Variants in FGF14 observed in about 807,000 individuals in gnomAD.
FGF14 encodes fibroblast growth factor 14, also known as fibroblast growth factor homologous factor 4.
Under a neutral mutation model 25.5 loss-of-function variants are expected in FGF14, and 5 were observed. That is an observed-to-expected ratio of 0.20 (90% CI 0.10 to 0.41). FGF14 has a LOEUF of 0.41. Among genes scored for constraint, FGF14 ranks in the 10% least tolerant of loss-of-function variants. The probability of loss-of-function intolerance (pLI) is 1.00; values close to 1 mark genes in which losing one functional copy is unlikely to be tolerated. For synonymous variants in FGF14, 138 were observed against 118.3 expected (o/e 1.17, Z -1.08); for missense variants, 222 against 320.1 (o/e 0.69, Z 2.34).
intron 1 of FGF14, among the ~76,000 whole-genome samples, chr13:102,330,784 G>A (rs1009148064): frequency 1.3e-5 from 2 of 152,016 alleles, no homozygotes; most frequent in East Asian, 1.9e-4. Context: ...TAAAGCTTCC[G>A]TTACCATGTG....
intron 1 of FGF14, among the ~76,000 whole-genome samples, chr13:102,166,358 A>G (rs747697680): frequency 6.6e-6 from 1 of 152,066 alleles, no homozygotes; most frequent in African/African-American, 2.4e-5. Context: ...AATTTATATT[A>G]TAACCCCAAA....
chr13:102,031,853 A>G (rs1284862138), intron 1 of FGF14, among the ~76,000 whole-genome samples: 1 of 152,096 alleles, frequency 6.6e-6, no homozygotes, highest in Non-Finnish European at 1.5e-5. Flanking sequence ...AACAATTTAT[A>G]AAGAAATGAA....
At chr13:102,313,693 T>C (rs1847445348) in intron 1 of FGF14, among the ~76,000 whole-genome samples, 1 of 152,174 alleles carries the variant, frequency 6.6e-6, no homozygotes, top group South Asian at 2.1e-4. Flanking sequence ...AAAATGTCTA[T>C]TTTCAGCCCC....
chr13:101,951,606 A>T (rs1455358494), intron 1 of FGF14, among the ~76,000 whole-genome samples: 2 of 152,056 alleles, frequency 1.3e-5, no homozygotes, highest in Non-Finnish European at 2.9e-5. Flanking sequence ...TTTCAACATT[A>T]TTTGTCTTGT....
At chr13:101,899,980 T>A (rs1450517044) in intron 1 of FGF14, among the ~76,000 whole-genome samples, 1 of 152,200 alleles carries the variant, frequency 6.6e-6, no homozygotes, top group Non-Finnish European at 1.5e-5. Flanking sequence ...CAATTTGCTA[T>A]TTTATTTGTT....
At chr13:102,016,476 C>T (rs1037247627) in intron 1 of FGF14, among the ~76,000 whole-genome samples, 22 of 152,008 alleles carry the variant, frequency 1.4e-4, no homozygotes, top group African/African-American at 5.3e-4. Context: ...ATTGTTGAAC[C>T]AGAATTAATA....
At chr13:102,081,688 TTTTAA>T (rs1403856670) in intron 1 of FGF14, among the ~76,000 whole-genome samples, 4 of 152,242 alleles carry the variant, frequency 2.6e-5, no homozygotes, top group Non-Finnish European at 2.9e-5. Context: ...ATCTTATGTA[TTTTAA>T]TTTATTTACA....
At chr13:102,382,020 A>G (rs1316101473) in intron 1 of FGF14, among the ~76,000 whole-genome samples, 1 of 152,172 alleles carries the variant, frequency 6.6e-6, no homozygotes, top group Non-Finnish European at 1.5e-5. Context: ...GACCTATATA[A>G]GGGCTAAAAC....
At chr13:102,144,079 A>G (rs949849282) in intron 1 of FGF14, among the ~76,000 whole-genome samples, 24 of 152,126 alleles carry the variant, frequency 1.6e-4, no homozygotes, top group African/African-American at 5.8e-4. Context: ...GCAGTGGTGC[A>G]ATTATAGCTC....
chr13:102,182,466 G>T (rs908543531), intron 1 of FGF14, among the ~76,000 whole-genome samples: 1 of 152,066 alleles, frequency 6.6e-6, no homozygotes, highest in Non-Finnish European at 1.5e-5. Context: ...CTGATAATAC[G>T]TTATGGCTGC....
intron 1 of FGF14, among the ~76,000 whole-genome samples, chr13:101,889,821 T>A (rs1227774880): frequency 6.6e-6 from 1 of 152,230 alleles, no homozygotes; most frequent in African/African-American, 2.4e-5. Context: ...AACCTCTACA[T>A]GTTTCAGGCT....
intron 3 of FGF14, among the ~76,000 whole-genome samples, chr13:101,817,145 C>G (rs1449272054): frequency 6.6e-6 from 1 of 152,232 alleles, no homozygotes; most frequent in African/African-American, 2.4e-5. Context: ...ATAAGTGAAT[C>G]TACTGTTATC....
intron 3 of FGF14, among the ~76,000 whole-genome samples, chr13:101,851,195 CACAGAG>C (rs745476049): frequency 6.6e-6 from 1 of 151,998 alleles, no homozygotes; most frequent in Non-Finnish European, 1.5e-5. Flanking sequence ...GGACAATGAA[CACAGAG>C]ACAGAGACAG....
At chr13:101,751,683 C>G (rs1001324202) in intron 3 of FGF14, among the ~76,000 whole-genome samples, 3 of 152,114 alleles carry the variant, frequency 2.0e-5, no homozygotes, top group African/African-American at 7.2e-5. Context: ...CAGCCAAGAC[C>G]ATTAATTTAC....
intron 1 of FGF14, among the ~76,000 whole-genome samples, chr13:102,065,723 G>T (rs1479983671): frequency 6.6e-6 from 1 of 151,806 alleles, no homozygotes; most frequent in Non-Finnish European, 1.5e-5. Flanking sequence ...ATATATAACT[G>T]TCCAAACCTA....
intron 1 of FGF14, among the ~76,000 whole-genome samples, chr13:101,893,368 G>A (rs527459572): frequency 6.6e-6 from 1 of 152,250 alleles, no homozygotes; most frequent in Admixed American, 6.5e-5. Flanking sequence ...TAACCATGAT[G>A]TATTGTGATT....
At chr13:102,069,838 C>T (rs1313601930) in intron 1 of FGF14, among the ~76,000 whole-genome samples, 2 of 152,156 alleles carry the variant, frequency 1.3e-5, no homozygotes, top group African/African-American at 2.4e-5. Context: ...CCAGACACAA[C>T]GGCTCACGCC....
At chr13:101,798,428 A>C (rs2040682257) in intron 3 of FGF14, among the ~76,000 whole-genome samples, 1 of 152,172 alleles carries the variant, frequency 6.6e-6, no homozygotes, top group African/African-American at 2.4e-5. Flanking sequence ...TTGAGATTAA[A>C]ATAGCTCAAT....
chr13:102,371,854 C>A (rs1180548543), intron 1 of FGF14, among the ~76,000 whole-genome samples: 1 of 152,016 alleles, frequency 6.6e-6, no homozygotes, highest in African/African-American at 2.4e-5. Context: ...ACATAACAAG[C>A]TTTAAACAAA....
Sources: allele counts gnomAD v4.1 joint callset (sites outside exome capture counted in the v4.1 genomes callset), GRCh38; gene constraint gnomAD v4.1.1; transcripts MANE v1.5; gene names NCBI Gene and HGNC (gene_info 2026-07-23, HGNC 2026-07-21).